Variants in NKAIN3 observed in about 807,000 individuals in gnomAD.
The protein encoded by NKAIN3 is sodium/potassium-transporting ATPase subunit beta-1-interacting protein 3.
NKAIN3 carries 25 observed loss-of-function variants against 30.2 expected under a neutral mutation model. The observed-to-expected ratio is 0.83, with a 90% CI of 0.60 to 1.16. The LOEUF (loss-of-function observed/expected upper bound fraction) is 1.16. Among genes scored for constraint, NKAIN3 ranks in the 50% most tolerant of loss-of-function variants. The pLI is 0.00. For synonymous variants in NKAIN3, 91 were observed against 89.6 expected (o/e 1.02, Z -0.09); for missense variants, 225 against 254.1 (o/e 0.89, Z 0.78).
intron 3 of NKAIN3, among the ~76,000 whole-genome samples, chr8:62,640,425 A>G (rs1812274415): frequency 6.6e-6 from 1 of 152,110 alleles, no homozygotes; most frequent in African/African-American, 2.4e-5. Context: ...AAGTTTCCTG[A>G]GGCCTCCCCA....
chr8:62,894,013 G>T (rs765088615), intron 4 of NKAIN3, among the ~76,000 whole-genome samples: 12 of 152,126 alleles, frequency 7.9e-5, no homozygotes, highest in Non-Finnish European at 1.3e-4. Context: ...GAAAACCCAG[G>T]ACTCCATATA....
intron 1 of NKAIN3, among the ~76,000 whole-genome samples, chr8:62,529,436 C>T (rs913640570): frequency 2.0e-5 from 3 of 152,084 alleles, no homozygotes; most frequent in East Asian, 1.9e-4. Context: ...ATCCTAACAA[C>T]GAACGTGATA....
intron 3 of NKAIN3, among the ~76,000 whole-genome samples, chr8:62,733,682 C>T (rs1229844009): frequency 2.0e-5 from 3 of 151,952 alleles, no homozygotes; most frequent in Non-Finnish European, 1.5e-5. Context: ...TTGCCTCCTA[C>T]TCATTTTCTT....
chr8:62,382,344 G>A (rs1255532602), intron 1 of NKAIN3, among the ~76,000 whole-genome samples: 1 of 152,128 alleles, frequency 6.6e-6, no homozygotes, highest in Non-Finnish European at 1.5e-5. Flanking sequence ...CACATTGAGT[G>A]AGCTGAGGAA....
chr8:62,879,338 T>C (rs548637372), intron 4 of NKAIN3, among the ~76,000 whole-genome samples: 21 of 152,338 alleles, frequency 1.4e-4, no homozygotes, highest in Non-Finnish European at 1.8e-4. Flanking sequence ...TCATATCCTT[T>C]GCCCAGTTTT....
intron 3 of NKAIN3, among the ~76,000 whole-genome samples, chr8:62,729,539 A>C (rs1408269906): frequency 6.6e-6 from 1 of 152,172 alleles, no homozygotes; most frequent in Non-Finnish European, 1.5e-5. Flanking sequence ...TTGTGTCCGC[A>C]TAAAAACCTG....
At chr8:62,701,868 A>G (rs1814348045) in intron 3 of NKAIN3, among the ~76,000 whole-genome samples, 1 of 152,128 alleles carries the variant, frequency 6.6e-6, no homozygotes, top group South Asian at 2.1e-4. Flanking sequence ...CTGCAATTCC[A>G]AAGCGCGAAC....
chr8:62,856,342 G>T lies in NKAIN3; in HGVS notation c.472-62111G>T. ...ATGAGCTTCAGCTTTAACCTGCTTA[G>T]TGCTTGCTTCCTGGTCTCCTTGGAG... On this transcript the variant is annotated intron_variant, in intron 4 of 6. Coordinates refer to ENST00000623646, the MANE Select transcript of NKAIN3 (RefSeq NM_001304533.3). 6 of 909,386 alleles carry T rather than the reference G, an allele frequency of 6.6e-6. No individual in the cohort carries two copies. In the Admixed American group the frequency reaches 8.5e-5, roughly 13 times the overall value. 56.3% of individuals were successfully genotyped at this position (909,386 alleles called of 1,614,324 possible).
In NKAIN3 at chr8:62,600,007, TTAAAGA is replaced by T. The variant is rs1460092970; in HGVS notation, c.273+10220_273+10225del. Among the ~76,000 whole-genome samples the T allele has an allele frequency of 5.9e-5, 9 of 152,174 alleles. 1 individual carries two copies. The South Asian group carries it at 8.3e-4, about 14-fold the overall frequency. On this transcript the variant is annotated intron_variant, in intron 3 of 6. Transcript: ENST00000623646. Reference sequence around the variant, plus strand: ...TGAAAACCCATCTTATTTGCTACACTTAAAGATAAAGAACCCAAGTTTTAATACTTT... The same window carrying T: ...TGAAAACCCATCTTATTTGCTACACTTAAAGAACCCAAGTTTTAATACTTT...
chr8:62,740,879 C>T (rs768407857), intron 3 of NKAIN3, among the ~76,000 whole-genome samples: 2 of 151,876 alleles, frequency 1.3e-5, no homozygotes, highest in Non-Finnish European at 2.9e-5. Flanking sequence ...AAGGTAGATA[C>T]CATGGAATAC....
chr8:62,571,883 C>T (rs772865152), intron 1 of NKAIN3, among the ~76,000 whole-genome samples: 49 of 152,194 alleles, frequency 3.2e-4, no homozygotes, highest in Non-Finnish European at 6.2e-4. Flanking sequence ...AACCCTGGGC[C>T]GGCCCACGAA....
chr8:62,901,378 G>A (rs1821609321), intron 4 of NKAIN3, among the ~76,000 whole-genome samples: 1 of 152,200 alleles, frequency 6.6e-6, no homozygotes, highest in African/African-American at 2.4e-5. Context: ...GCTGAGGCAG[G>A]AGGGTCACTT....
At chr8:62,403,571 C>T (rs1188592534) in intron 1 of NKAIN3, among the ~76,000 whole-genome samples, 5 of 152,196 alleles carry the variant, frequency 3.3e-5, no homozygotes, top group African/African-American at 1.2e-4. Context: ...TCAGAGGGTG[C>T]AAGCCCCAAG....
At chr8:62,261,835 ATCATTC>A (rs1285934174) in intron 1 of NKAIN3, among the ~76,000 whole-genome samples, 8 of 152,238 alleles carry the variant, frequency 5.3e-5, no homozygotes, top group Admixed American at 5.2e-4. Flanking sequence ...ATTCCATTGT[ATCATTC>A]TTATTTTCAT....
intron 1 of NKAIN3, among the ~76,000 whole-genome samples, chr8:62,534,666 T>C (rs1447305308): frequency 6.6e-6 from 1 of 152,132 alleles, no homozygotes; most frequent in Non-Finnish European, 1.5e-5. Flanking sequence ...TTTCCTTCTG[T>C]AAATCTGGAG....
chr8:62,989,656 C>A (rs963163020), downstream of NKAIN3, among the ~76,000 whole-genome samples: 1 of 152,080 alleles, frequency 6.6e-6, no homozygotes, highest in Admixed American at 6.5e-5. Context: ...TGAGATCATG[C>A]CACTGCACTC....
At chr8:62,436,595 A>T (rs776221930) in intron 1 of NKAIN3, among the ~76,000 whole-genome samples, 12 of 152,204 alleles carry the variant, frequency 7.9e-5, no homozygotes, top group Non-Finnish European at 1.3e-4. Context: ...TATTAAGTAC[A>T]TAATAAAGTA....
chr8:62,645,494 C>G lies in NKAIN3; in HGVS notation c.273+55700C>G, dbSNP rs911261620. 3.9e-5 allele frequency among the ~76,000 whole-genome samples: 6 copies of G among 152,230 alleles called. No individual in the cohort carries two copies. The East Asian group carries it at 1.2e-3, about 29-fold the overall frequency. On this transcript the variant is annotated intron_variant, in intron 3 of 6. Coordinates refer to ENST00000623646, the MANE Select transcript of NKAIN3 (RefSeq NM_001304533.3). Reference sequence around the variant, plus strand: ...TTAATTTAAATATTAATTAGGATAACTATCCTTAAAGTAATCAAGAAGTAA... The same window carrying G: ...TTAATTTAAATATTAATTAGGATAAGTATCCTTAAAGTAATCAAGAAGTAA...
chr8:62,940,808 A>G (rs866376563), intron 5 of NKAIN3, among the ~76,000 whole-genome samples: 32 of 152,252 alleles, frequency 2.1e-4, no homozygotes, highest in Admixed American at 1.5e-3. Flanking sequence ...TGCCTACATC[A>G]AAAAGTCTCA....
Sources: gnomAD v4.1 joint callset for allele counts (sites outside exome capture counted in the v4.1 genomes callset) on GRCh38, gnomAD v4.1.1 for gene constraint, MANE v1.5 for transcripts, NCBI Gene and HGNC (gene_info 2026-07-23, HGNC 2026-07-21) for gene names.